The following GAREM1 variants were observed in gnomAD, a reference collection of about 807,000 sequenced individuals.
GAREM1 encodes the protein GRB2 associated regulator of MAPK1 subtype 1.
A neutral mutation model predicts 71.3 loss-of-function variants in GAREM1; 26 were observed. That is an observed-to-expected ratio of 0.36 (90% confidence interval 0.27 to 0.51). The LOEUF is 0.51. GAREM1 is among the 20% of genes least tolerant of loss of function. The pLI, the probability that GAREM1 is intolerant of heterozygous loss-of-function variation, is 0.95. For synonymous variants in GAREM1, 440 were observed against 433.2 expected, an observed-to-expected ratio of 1.02 and a Z score of -0.20; for missense variants, 1,026 against 1,103.1, an observed-to-expected ratio of 0.93 and a Z score of 0.99.
intron 4 of GAREM1, 112 bp downstream of exon 4, chr18:32,286,919 A>G: frequency 1.3e-6 from 1 of 767,622 alleles, no homozygotes; most frequent in Non-Finnish European, 2.2e-6. Flanking sequence ...AACTAAACAA[A>G]TTTGCTCACT....
chr18:32,449,975 A>G (rs1009289960), intron 1 of GAREM1, among the ~76,000 whole-genome samples: 4 of 152,196 alleles, frequency 2.6e-5, no homozygotes, highest in African/African-American at 9.6e-5. Flanking sequence ...ACCTTTAAAA[A>G]GAATGGACAG....
chr18:32,293,066 G>T (rs971742376), intron 3 of GAREM1, among the ~76,000 whole-genome samples: 1 of 152,054 alleles, frequency 6.6e-6, no homozygotes, highest in Non-Finnish European at 1.5e-5. Context: ...GCTCCTTGGG[G>T]TTTGGATTGA....
At chr18:32,297,842 G>C (rs1280255292) in intron 3 of GAREM1, among the ~76,000 whole-genome samples, 2 of 152,218 alleles carry the variant, frequency 1.3e-5, no homozygotes, top group Non-Finnish European at 2.9e-5. Flanking sequence ...GATGGAGACA[G>C]GGATAAGATG....
At chr18:32,293,599 G>T (rs560196488) in intron 3 of GAREM1, among the ~76,000 whole-genome samples, 3 of 152,206 alleles carry the variant, frequency 2.0e-5, no homozygotes, top group African/African-American at 7.2e-5. Flanking sequence ...CTTTAGTAAA[G>T]ATCATTTTAT....
intron 3 of GAREM1, among the ~76,000 whole-genome samples, chr18:32,294,443 G>A (rs2047119831): frequency 6.6e-6 from 1 of 152,064 alleles, no homozygotes; most frequent in African/African-American, 2.4e-5. Flanking sequence ...AAAAATGAAA[G>A]GTTGAAAAAT....
At chr18:32,294,378 G>T (rs1436592174) in intron 3 of GAREM1, among the ~76,000 whole-genome samples, 1 of 152,220 alleles carries the variant, frequency 6.6e-6, no homozygotes, top group Non-Finnish European at 1.5e-5. Flanking sequence ...TGGCTAAAGT[G>T]ATAGGGTGTC....
rs148800507 is a variant in GAREM1, at chr18:32,316,106, G to A, written c.263-5783C>T. Reference sequence around the variant, plus strand: ...GTCATCTGTGTTTTGTCATCCTATTGGACAGGAAGACTTCAGAATCACATA... The same window carrying A: ...GTCATCTGTGTTTTGTCATCCTATTAGACAGGAAGACTTCAGAATCACATA... On this transcript the variant is annotated intron_variant, in intron 2 of 5. Transcript: ENST00000269209. Among the ~76,000 whole-genome samples, 166 of 152,112 alleles carry A rather than the reference G, an allele frequency of 1.1e-3. 1 individual carries two copies. In the East Asian group the frequency reaches 0.028, roughly 26 times the overall value.
rs1598932554 is a variant in GAREM1, at chr18:32,287,774, T to G, written c.823A>C (p.Asn275His). The G allele has an allele frequency of 1.2e-6, 2 of 1,613,106 alleles. No homozygotes were observed. The highest frequency in any genetic ancestry group is 1.7e-6 in the Non-Finnish European group (2 of 1,179,910). The change falls in exon 4 of 6, where the codon AAC (asparagine) becomes CAC (histidine). Residue 275 changes from asparagine to histidine, a missense_variant. Asn to His is a moderately conservative substitution (Grantham distance 68). This residue lies in a region of GAREM1 where 218 missense variants were observed against 296.8 expected (regional missense o/e 0.73). Transcript: ENST00000269209. This position sits in a 1 kb window ranked among gnomAD's most constrained non-coding sequence, Gnocchi z 5.9. ...IREGHRYKFV[N>H]IQTKTVVVCC... ...ACCACCACCGTCTTGGTCTGGATGT[T>G]CACAAACTTATAGCGGTGCCCCTCA...
intron 4 of GAREM1, among the ~76,000 whole-genome samples, chr18:32,284,904 C>T (rs1011524125): frequency 1.3e-5 from 2 of 152,020 alleles, no homozygotes; most frequent in East Asian, 1.9e-4. Context: ...CGCCCGCCAC[C>T]ACGCCCAGCT....
chr18:32,400,359 A>C (rs1489304035), intron 1 of GAREM1, among the ~76,000 whole-genome samples: 2 of 152,204 alleles, frequency 1.3e-5, no homozygotes, highest in Non-Finnish European at 2.9e-5. Context: ...TGCACAGCAA[A>C]AGAAACTACC....
At chr18:32,279,431 C>G (rs1011457454) in intron 4 of GAREM1, among the ~76,000 whole-genome samples, 4 of 152,160 alleles carry the variant, frequency 2.6e-5, no homozygotes, top group African/African-American at 9.7e-5. Context: ...GGAGCATGAA[C>G]CCTATTGTGA....
rs1194229142 is a variant in GAREM1 at position 32,412,102 on chromosome 18, A to G, written c.122-19067T>C. ...TTTGTCTAAAACATGTCTTCTTTGT[A>G]GCAGCTAGGCCCTGCCACCACTGTG... On this transcript the variant is annotated intron_variant, in intron 1 of 5. Transcript: ENST00000269209. 6 of 753,402 alleles carry G rather than the reference A, an allele frequency of 8.0e-6. No individual in the cohort carries two copies. In the Admixed American group the frequency reaches 9.9e-5, roughly 12 times the overall value. 46.7% of individuals were successfully genotyped at this position (753,402 alleles called of 1,614,324 possible).
rs906353942 is a variant in GAREM1 at position 32,463,828 on chromosome 18, C to T, written c.121+6480G>A. ...TCGTGATCCGCCCACCTCAGCCTCC[C>T]AAAGTGCTGGGATTACAGGCGTGAG... On this transcript the variant is annotated intron_variant, in intron 1 of 5. Transcript: ENST00000269209. 4.6e-5 allele frequency among the ~76,000 whole-genome samples: 7 copies of T among 151,990 alleles called. No individual in the cohort carries two copies. In the East Asian group the frequency reaches 1.2e-3, roughly 25 times the overall value.
Position 32,287,345 on chromosome 18 carries a change from G to T in GAREM1, c.1252C>A (p.His418Asn). The T allele has an allele frequency of 6.2e-7, 1 of 1,614,230 alleles. No homozygotes were observed. Among genetic ancestry groups the T allele is most frequent in the African/African-American group, 1.3e-5 (1 of 75,064 alleles). ...GAGTCCTGATAGGGCAGGATGTCATGAGGAAAGGGAGCCCAATCTCCCCCC... is the reference window on the plus strand; with the variant it reads ...GAGTCCTGATAGGGCAGGATGTCATTAGGAAAGGGAGCCCAATCTCCCCCC... ...DLGGDWAPFP[H>N]DILPYQDSGD... Residue 418 changes from histidine to asparagine, a missense_variant, in exon 4 of 6, where the codon CAT (histidine) becomes AAT (asparagine). By Grantham distance (68) the His-to-Asn change is moderately conservative. Around this residue, in one of 3 missense-constraint regions of GAREM1, gnomAD observed 636 missense variants for 631.2 expected, o/e 1.01. Coordinates refer to ENST00000269209, the MANE Select transcript of GAREM1 (RefSeq NM_001242409.2). This position sits in a 1 kb window ranked among gnomAD's most constrained non-coding sequence, Gnocchi z 5.9.
intron 4 of GAREM1, among the ~76,000 whole-genome samples, chr18:32,277,290 A>C (rs2041555714): frequency 6.6e-6 from 1 of 152,190 alleles, no homozygotes. Flanking sequence ...AACTTGAAAA[A>C]ATGTGCCTGG....
chr18:32,384,391 T>C (rs11664951), intron 2 of GAREM1, among the ~76,000 whole-genome samples: 5,149 of 152,328 alleles, frequency 0.034, 132 homozygotes, highest in East Asian at 0.11. Flanking sequence ...AGAGTGGTTT[T>C]GATAAAAATG....
intron 2 of GAREM1, among the ~76,000 whole-genome samples, chr18:32,352,253 G>C (rs938356732): frequency 3.3e-5 from 5 of 152,168 alleles, no homozygotes; most frequent in African/African-American, 1.2e-4. Flanking sequence ...TAAGTTGTCA[G>C]ATCAGCCCAC....
chr18:32,397,898 G>T (rs1430805195), intron 1 of GAREM1, among the ~76,000 whole-genome samples: 1 of 152,096 alleles, frequency 6.6e-6, no homozygotes, highest in Non-Finnish European at 1.5e-5. Context: ...TTCCAAAATT[G>T]ACCACATAGT....
intron 1 of GAREM1, among the ~76,000 whole-genome samples, chr18:32,423,769 T>C (rs887189240): frequency 1.3e-5 from 2 of 152,190 alleles, no homozygotes; most frequent in Admixed American, 1.3e-4. Flanking sequence ...TGACAAATTA[T>C]AGTATTTTGT....
Sources: gnomAD v4.1 joint callset for allele counts (sites outside exome capture counted in the v4.1 genomes callset) on GRCh38, gnomAD v4.1.1 for gene constraint, gnomAD v4.1.1 regional missense constraint, Gnocchi (gnomAD v3.1) non-coding constraint, MANE v1.5 for transcripts, NCBI Gene and HGNC (gene_info 2026-07-23, HGNC 2026-07-21) for gene names.